Variants in TLN2 observed in about 807,000 individuals in gnomAD.
The protein encoded by TLN2 is talin-2.
Under a neutral mutation model 294.7 loss-of-function variants are expected in TLN2, and 118 were observed. The observed-to-expected ratio is 0.40, with a 90% CI of 0.34 to 0.47. The LOEUF (loss-of-function observed/expected upper bound fraction) is 0.47. TLN2 is among the 20% of genes least tolerant of loss of function. The pLI, the probability that TLN2 is intolerant of heterozygous loss-of-function variation, is 0.84. For synonymous variants in TLN2, 1,431 were observed against 1,304.5 expected (o/e 1.10, Z -2.09); for missense variants, 3,083 against 3,282.2 (o/e 0.94, Z 1.48).
At chr15:62,701,883 T>C in intron 17 of TLN2, 109 bp from the exon 18 acceptor site, 2 of 1,260,034 alleles carry the variant, frequency 1.6e-6, no homozygotes, top group Non-Finnish European at 2.2e-6. Context: ...GCTTGGTGTC[T>C]GACTCCTGCA....
rs1211646918 is a variant in TLN2 at position 62,843,689 on chromosome 15, T to G, written c.*3079T>G. On this transcript the variant is annotated 3_prime_UTR_variant, in exon 59 of 59. Coordinates refer to ENST00000636159, the MANE Select transcript of TLN2 (RefSeq NM_015059.3). The stretch of plus-strand genomic sequence containing the variant: ...TTTACAGGCAACTAAAGCCTGTTCC[T>G]AATTTATCAAAAAATTATAACCAAA... The G allele has an allele frequency of 6.6e-6, 1 of 152,280 alleles. No individual in the cohort carries two copies. Among genetic ancestry groups the G allele is most frequent in the African/African-American group, 2.4e-5 (1 of 41,474 alleles). 9.4% of individuals were successfully genotyped at this position (152,280 alleles called of 1,614,324 possible).
rs557847868 is a variant in TLN2 at position 62,459,655 on chromosome 15, A to G, written c.-238+68970A>G. 3.3e-5 allele frequency among the ~76,000 whole-genome samples: 5 copies of G among 152,320 alleles called. No homozygotes were observed. The South Asian group carries it at 1.0e-3, about 32-fold the overall frequency. On this transcript the variant is annotated intron_variant, in intron 1 of 58. Transcript: ENST00000636159. ...AACACTTGTTTGGGCCCTTTAGTGC[A>G]AAAGAATATGCAAGCCCTTTTGCTT...
At chr15:62,820,305 ACCCCCAC>A in intron 53 of TLN2, among the ~76,000 whole-genome samples, 174 bp from the exon 54 acceptor site, 1 of 145,216 alleles carries the variant, frequency 6.9e-6, no homozygotes, top group African/African-American at 2.5e-5. Flanking sequence ...CAGGATTAGC[ACCCCCAC>A]CCCCCACCCC....
intron 1 of TLN2, among the ~76,000 whole-genome samples, chr15:62,522,473 T>A (rs1376000487): frequency 6.6e-6 from 1 of 152,218 alleles, no homozygotes; most frequent in Non-Finnish European, 1.5e-5. Context: ...ACAACTGGCA[T>A]ATGGATAGGT....
intron 44 of TLN2, among the ~76,000 whole-genome samples, chr15:62,782,860 A>C (rs567566902): frequency 3.9e-5 from 6 of 152,348 alleles, no homozygotes; most frequent in Admixed American, 2.6e-4. Context: ...GCCACAAAGA[A>C]AGAGACAGTA....
At position 62,764,257 on chromosome 15, in the gene TLN2, C is replaced by T. The variant is rs553478955; in HGVS notation, c.5094+562C>T. On this transcript the variant is annotated intron_variant, in intron 40 of 58. Transcript: ENST00000636159. ...TTCCAAAGTTTAAAATGGAATTTTC[C>T]TGCTTTTTCCCTTTGGGTCTTTTTC... Among the ~76,000 whole-genome samples, 101 of 152,198 alleles carry T rather than the reference C, an allele frequency of 6.6e-4. 1 individual carries two copies. The highest frequency in any genetic ancestry group is 2.2e-3 in the African/African-American group (93 of 41,532).
chr15:62,610,116 A>G (rs541976998), intron 2 of TLN2, among the ~76,000 whole-genome samples: 2 of 152,322 alleles, frequency 1.3e-5, no homozygotes, highest in South Asian at 4.1e-4. Flanking sequence ...TTTTATTGCA[A>G]AAAAGATGAT....
At chr15:62,650,288 A>G (rs2140941052) in intron 5 of TLN2, 107 bp downstream of exon 5, 2 of 1,105,424 alleles carry the variant, frequency 1.8e-6, no homozygotes, top group East Asian at 2.5e-5. Flanking sequence ...TCTTATTAAT[A>G]GTTCGATGCA....
intron 3 of TLN2, among the ~76,000 whole-genome samples, chr15:62,646,146 G>T (rs544780611): frequency 1.4e-5 from 2 of 146,432 alleles, no homozygotes; most frequent in Admixed American, 7.0e-5. Flanking sequence ...GTCTCATCTC[G>T]TCTCATCTCT....
intron 3 of TLN2, among the ~76,000 whole-genome samples, chr15:62,639,427 G>T (rs922751407): frequency 6.6e-6 from 1 of 152,276 alleles, no homozygotes; most frequent in East Asian, 1.9e-4. Flanking sequence ...TGTGGGGGTG[G>T]TTAATTATTT....
chr15:62,698,276 T>A (rs1490480341), intron 15 of TLN2, among the ~76,000 whole-genome samples: 1 of 152,220 alleles, frequency 6.6e-6, no homozygotes, highest in Non-Finnish European at 1.5e-5. Flanking sequence ...CAGGCCGGCC[T>A]TGGGACTCCC....
intron 1 of TLN2, among the ~76,000 whole-genome samples, chr15:62,548,462 A>C (rs1283634161): frequency 6.6e-6 from 1 of 152,200 alleles, no homozygotes; most frequent in Admixed American, 6.5e-5. Context: ...AAAAAGACCT[A>C]CTTTTCAAGT....
intron 44 of TLN2, 23 bp from the exon 45 acceptor site, chr15:62,783,748 T>A (rs2064396127): frequency 6.4e-7 from 1 of 1,572,630 alleles, no homozygotes; most frequent in Non-Finnish European, 8.7e-7. Context: ...TGTGTGTGTG[T>A]CTTGCTTGTT....
rs1567724264 is a variant in TLN2, at chr15:62,838,996, C to CAAGA, written c.7500+17_7500+20dup. The CAAGA allele has an allele frequency of 6.2e-7, 1 of 1,612,946 alleles. No homozygotes were observed. The highest frequency in any genetic ancestry group is 1.3e-5 in the African/African-American group (1 of 74,798). ...GCATTGCTCAGGTTTGTAATTAAAT[C>CAAGA]AAGAATAGTATTTACTTCCCGAGAG... On this transcript the variant is annotated intron_variant, in intron 58 of 58. Transcript: ENST00000636159.
chr15:62,777,522 G>A (rs924274830), intron 43 of TLN2, among the ~76,000 whole-genome samples: 6 of 113,200 alleles, frequency 5.3e-5, no homozygotes, highest in South Asian at 2.9e-4. Flanking sequence ...GGCAACGAGC[G>A]AAACTCTCAA....
intron 2 of TLN2, among the ~76,000 whole-genome samples, chr15:62,604,524 TAA>T (rs35955277): frequency 8.9e-4 from 78 of 87,312 alleles, no homozygotes; most frequent in Middle Eastern, 6.1e-3. Context: ...GACCTTGTCT[TAA>T]AAAAAAAAAA....
At chr15:62,572,152 A>G (rs562850146) in intron 1 of TLN2, among the ~76,000 whole-genome samples, 29 of 152,174 alleles carry the variant, frequency 1.9e-4, no homozygotes, top group Admixed American at 3.3e-4. Flanking sequence ...CTTAAGGGCA[A>G]TGCTCAACTG....
chr15:62,528,670 C>CTTTT (rs3055755), intron 1 of TLN2, among the ~76,000 whole-genome samples: 1,808 of 96,752 alleles, frequency 0.019, 64 homozygotes, highest in East Asian at 0.052. Context: ...CCAGAGCTTG[C>CTTTT]TTTTTTTTTT....
intron 1 of TLN2, among the ~76,000 whole-genome samples, chr15:62,441,369 G>A (rs1305017580): frequency 1.3e-5 from 2 of 152,202 alleles, no homozygotes; most frequent in Admixed American, 6.5e-5. Context: ...GTAGCTGGGA[G>A]TACAGCCACA....
Sources: allele counts gnomAD v4.1 joint callset (sites outside exome capture counted in the v4.1 genomes callset), GRCh38; gene constraint gnomAD v4.1.1; transcripts MANE v1.5; gene names NCBI Gene and HGNC (gene_info 2026-07-23, HGNC 2026-07-21).